ST8SIA6: variants seen among roughly 807,000 people sequenced by gnomAD.
ST8SIA6 encodes alpha-2,8-sialyltransferase 8F.
In ST8SIA6, 39 loss-of-function variants were observed where a neutral mutation model predicts 33.6. That is an observed-to-expected ratio of 1.16 (90% CI 0.90 to 1.52). The LOEUF (loss-of-function observed/expected upper bound fraction) is 1.52, where lower values mean the gene tolerates loss of function less well. Among genes scored for constraint, ST8SIA6 ranks in the 40% most tolerant of loss-of-function variants. The pLI is 0.00. For synonymous variants in ST8SIA6, 172 were observed against 167.2 expected, an observed-to-expected ratio of 1.03 and a Z score of -0.22; for missense variants, 441 against 443.8, an observed-to-expected ratio of 0.99 and a Z score of 0.06.
rs571171172 is a variant in ST8SIA6 at position 17,395,870 on chromosome 10, C to T, written c.201-5250G>A. 4.4e-3 allele frequency among the ~76,000 whole-genome samples: 675 copies of T among 151,958 alleles called. 4 individuals are homozygous for T. Among genetic ancestry groups the T allele is most frequent in the African/African-American group, 0.015 (641 of 41,456 alleles). ...TACACTCCAGCCTGGGCAACAAGAG[C>T]GAAACAAAACAAAAAACCCTTCATA... On this transcript the variant is annotated intron_variant, in intron 2 of 7. Coordinates refer to ENST00000377602, the MANE Select transcript of ST8SIA6 (RefSeq NM_001004470.3).
chr10:17,452,347 T>A (rs1852942462), intron 2 of ST8SIA6, among the ~76,000 whole-genome samples: 1 of 152,008 alleles, frequency 6.6e-6, no homozygotes, highest in Admixed American at 6.6e-5. Context: ...ATCAGAAGAT[T>A]AAGGTGGATC....
chr10:17,418,907 C>T (rs187286615), intron 2 of ST8SIA6, among the ~76,000 whole-genome samples: 1 of 142,146 alleles, frequency 7.0e-6, no homozygotes, highest in Non-Finnish European at 1.5e-5. Flanking sequence ...GCAGGAGAAT[C>T]GCTTGAACCT....
rs1381141874 is a variant in ST8SIA6, at chr10:17,315,746, G to A, written c.*5132C>T. Among the ~76,000 whole-genome samples, 1 of 151,886 alleles carries A rather than the reference G, an allele frequency of 6.6e-6. No individual in the cohort carries two copies. Among genetic ancestry groups the A allele is most frequent in the African/African-American group, 2.4e-5 (1 of 41,410 alleles). ...ATTTTCTGGGGACGAGGGTGGGATG[G>A]ACAGGGAGGAAGAAGAGGGAGGGAT... is the stretch of plus-strand genomic sequence containing the variant. On this transcript the variant is annotated 3_prime_UTR_variant, in exon 8 of 8. Coordinates refer to ENST00000377602, the MANE Select transcript of ST8SIA6 (RefSeq NM_001004470.3).
chr10:17,333,587 A>G (rs1237914126), intron 4 of ST8SIA6, among the ~76,000 whole-genome samples: 1 of 147,666 alleles, frequency 6.8e-6, no homozygotes, highest in East Asian at 2.0e-4. Context: ...AAATAACACC[A>G]CACATCTACA....
At chr10:17,341,745 C>G (rs910029707) in intron 4 of ST8SIA6, among the ~76,000 whole-genome samples, 3 of 151,118 alleles carry the variant, frequency 2.0e-5, no homozygotes, top group African/African-American at 7.3e-5. Context: ...ACTAAAAATA[C>G]AAAAAATTAG....
intron 4 of ST8SIA6, among the ~76,000 whole-genome samples, chr10:17,350,314 A>G (rs1259592191): frequency 6.6e-6 from 1 of 152,220 alleles, no homozygotes; most frequent in East Asian, 1.9e-4. Flanking sequence ...AAGAAATGAA[A>G]CAAAAAATAA....
At chr10:17,368,231 A>C (rs903803068) in intron 3 of ST8SIA6, among the ~76,000 whole-genome samples, 1 of 84,844 alleles carries the variant, frequency 1.2e-5, no homozygotes, top group South Asian at 5.6e-4. Context: ...TCCTGTCTCT[A>C]CAAAAAAAAA....
Position 17,413,357 on chromosome 10 carries a change from C to T in ST8SIA6, c.201-22737G>A, listed in dbSNP as rs557609780. The T allele has an allele frequency of 5.3e-5, 8 of 151,482 alleles. No homozygotes were observed. The South Asian group carries it at 6.2e-4, about 12-fold the overall frequency. 9.4% of individuals were successfully genotyped at this position (151,482 alleles called of 1,614,324 possible). A position where few individuals can be genotyped will look rare whatever the true frequency, so the allele number is the denominator to read the frequency against. On this transcript the variant is annotated intron_variant, in intron 2 of 7. Coordinates refer to ENST00000377602, the MANE Select transcript of ST8SIA6 (RefSeq NM_001004470.3). Reference sequence around the variant, plus strand: ...CTTAAATCTCTTTATTAGATACAGTCGAATGTAATTTGGAATTTACGAGTC... The same window carrying T: ...CTTAAATCTCTTTATTAGATACAGTTGAATGTAATTTGGAATTTACGAGTC...
At chr10:17,355,840 C>T (rs1849172518) in intron 4 of ST8SIA6, among the ~76,000 whole-genome samples, 1 of 152,126 alleles carries the variant, frequency 6.6e-6, no homozygotes, top group African/African-American at 2.4e-5. Context: ...TCTTGCGTAC[C>T]TAATAGTACA....
intron 4 of ST8SIA6, among the ~76,000 whole-genome samples, chr10:17,345,620 G>T (rs7067576): frequency 0.18 from 27,946 of 152,114 alleles, 2,662 homozygotes; most frequent in African/African-American, 0.22. Flanking sequence ...ATCCTGTGTG[G>T]CTTGGCAGAT....
chr10:17,435,592 G>C (rs1852226052), intron 2 of ST8SIA6, among the ~76,000 whole-genome samples: 3 of 150,962 alleles, frequency 2.0e-5, no homozygotes, highest in Non-Finnish European at 4.4e-5. Context: ...AACTTCCTTG[G>C]TTCTATTCAG....
chr10:17,366,536 G>A (rs1379704761), intron 3 of ST8SIA6, among the ~76,000 whole-genome samples: 1 of 151,966 alleles, frequency 6.6e-6, no homozygotes, highest in East Asian at 1.9e-4. Flanking sequence ...GCTAGGAAAT[G>A]CTGTGAGCAG....
chr10:17,353,336 C>A (rs1849092689), intron 4 of ST8SIA6, among the ~76,000 whole-genome samples: 1 of 152,174 alleles, frequency 6.6e-6, no homozygotes, highest in Admixed American at 6.5e-5. Context: ...CTTATCCCAT[C>A]TCTTTTCATA....
At chr10:17,342,545 G>A (rs1379055381) in intron 4 of ST8SIA6, among the ~76,000 whole-genome samples, 3 of 152,166 alleles carry the variant, frequency 2.0e-5, no homozygotes, top group Admixed American at 6.5e-5. Flanking sequence ...GCTGGGACAT[G>A]GCTGCGAGGT....
intron 3 of ST8SIA6, among the ~76,000 whole-genome samples, chr10:17,364,265 T>G (rs1849489634): frequency 6.6e-6 from 1 of 152,256 alleles, no homozygotes; most frequent in South Asian, 2.1e-4. Flanking sequence ...ATGTTGTAGC[T>G]GGTTCCAATT....
intron 3 of ST8SIA6, among the ~76,000 whole-genome samples, chr10:17,380,058 T>A (rs1356363251): frequency 6.6e-6 from 1 of 152,218 alleles, no homozygotes; most frequent in Non-Finnish European, 1.5e-5. Context: ...TTGGTTGAGA[T>A]CTAAAGTTTA....
At chr10:17,453,464 G>T in intron 2 of ST8SIA6, 95 bp downstream of exon 2, 1 of 971,450 alleles carries the variant, frequency 1.0e-6, no homozygotes, top group Non-Finnish European at 1.3e-6. Context: ...GTCCCAGCCT[G>T]CCTACTCCCA....
chr10:17,416,289 C>T (rs1851605366), intron 2 of ST8SIA6, among the ~76,000 whole-genome samples: 1 of 152,116 alleles, frequency 6.6e-6, no homozygotes, highest in South Asian at 2.1e-4. Flanking sequence ...AGAACTTGCT[C>T]CTAGATCCCC....
intron 6 of ST8SIA6, among the ~76,000 whole-genome samples, chr10:17,325,430 A>C (rs1024565235): frequency 7.9e-5 from 6 of 76,422 alleles, no homozygotes; most frequent in African/African-American, 3.3e-4. Flanking sequence ...CTACTACTGT[A>C]ATATATATGT....
Sources: gnomAD v4.1 joint callset for allele counts (sites outside exome capture counted in the v4.1 genomes callset) on GRCh38, gnomAD v4.1.1 for gene constraint, MANE v1.5 for transcripts, NCBI Gene and HGNC (gene_info 2026-07-23, HGNC 2026-07-21) for gene names.